The following RPS27 variants were observed in gnomAD, a reference collection of about 807,000 sequenced individuals.
The protein encoded by RPS27 is small ribosomal subunit protein eS27.
RPS27 carries 1 observed loss-of-function variant against 11.8 expected under a neutral mutation model. The observed-to-expected ratio is 0.08, with a 90% CI of 0.03 to 0.40. The LOEUF is 0.40. Among genes scored for constraint, RPS27 ranks in the 10% least tolerant of loss-of-function variants. The probability of loss-of-function intolerance (pLI) is 0.98; values close to 1 mark genes in which losing one functional copy is unlikely to be tolerated. For synonymous variants in RPS27, 42 were observed against 33.8 expected, an observed-to-expected ratio of 1.24 and a Z score of -0.84; for missense variants, 44 against 100.1, an observed-to-expected ratio of 0.44 and a Z score of 2.39.
intron 3 of RPS27, 96 bp downstream of exon 3, chr1:153,991,772 C>T (rs1024410730): frequency 1.3e-6 from 1 of 794,564 alleles, no homozygotes; most frequent in Non-Finnish European, 2.1e-6. Context: ...TGACAGGGAT[C>T]ATCTATAATG....
intron 2 of RPS27, 61 bp from the exon 3 acceptor site, chr1:153,991,505 G>A: frequency 7.2e-7 from 1 of 1,389,672 alleles, no homozygotes; most frequent in Non-Finnish European, 1.0e-6. Flanking sequence ...GATGAGTTGG[G>A]CATAAGTGCA....
intron 2 of RPS27, 129 bp from the exon 3 acceptor site, chr1:153,991,437 C>T: frequency 7.3e-7 from 1 of 1,371,036 alleles, no homozygotes. Flanking sequence ...CGTGATCTCT[C>T]ATCACATTTC....
At chr1:153,991,287 T>C in intron 2 of RPS27, 64 bp downstream of exon 2, 3 of 1,558,092 alleles carry the variant, frequency 1.9e-6, no homozygotes, top group Non-Finnish European at 2.6e-6. Context: ...AATGTTGTAG[T>C]GTTAGCTGTC....
chr1:153,990,967 C>A, intron 1 of RPS27, 148 bp from the exon 2 acceptor site: 4 of 1,216,368 alleles, frequency 3.3e-6, no homozygotes, highest in Middle Eastern at 2.3e-4. Flanking sequence ...TAGACGGGAG[C>A]GGAGAGGAGA....
intron 2 of RPS27, 96 bp downstream of exon 2, chr1:153,991,319 G>A (rs1328323652): frequency 6.5e-7 from 1 of 1,534,170 alleles, no homozygotes; most frequent in African/African-American, 1.4e-5. Context: ...AAGCTGTGCA[G>A]CAGCTTCAGT....
At chr1:153,991,797 A>G in intron 3 of RPS27, 121 bp downstream of exon 3, 1 of 712,492 alleles carries the variant, frequency 1.4e-6, no homozygotes, top group Non-Finnish European at 2.4e-6. Context: ...TTTTTAGACA[A>G]GAAGTGTTGG....
intron 1 of RPS27, 120 bp downstream of exon 1, chr1:153,990,922 C>T (rs570465738): frequency 4.2e-6 from 6 of 1,442,816 alleles, no homozygotes; most frequent in Admixed American, 3.4e-5. Flanking sequence ...AGGACATTAA[C>T]TCCAGGGACC....
chr1:153,991,831 T>C, intron 3 of RPS27, 155 bp downstream of exon 3: 1 of 665,204 alleles, frequency 1.5e-6, no homozygotes, highest in Non-Finnish European at 2.6e-6. Context: ...AACTAGATAC[T>C]ACCAAAAGCT....
In RPS27 at chr1:153,990,771, C is replaced by T. The variant is rs1050593008; in HGVS notation, c.-26C>T. 6.8e-6 allele frequency: 11 copies of T among 1,614,048 alleles called. No homozygotes were observed. The highest frequency in any genetic ancestry group is 1.6e-4 in the Middle Eastern group (1 of 6,084). Reference sequence around the variant, plus strand: ...GATTTCCGCTTTCGCTCCTTTCCGGCGGTGACGACCTACGCACACGAGAAC... The same window carrying T: ...GATTTCCGCTTTCGCTCCTTTCCGGTGGTGACGACCTACGCACACGAGAAC... On this transcript the variant is annotated 5_prime_UTR_variant, in exon 1 of 4. Coordinates refer to ENST00000651669, the MANE Select transcript of RPS27 (RefSeq NM_001030.6).
At chr1:153,990,961 C>T (rs1419695519) in intron 1 of RPS27, 154 bp from the exon 2 acceptor site, 1 of 1,251,816 alleles carries the variant, frequency 8.0e-7, no homozygotes, top group Non-Finnish European at 1.1e-6. Context: ...CCCGCATAGA[C>T]GGGAGCGGAG....
At chr1:153,991,702 G>A (rs1450292270) in intron 3 of RPS27, 26 bp downstream of exon 3, 2 of 1,424,956 alleles carry the variant, frequency 1.4e-6, no homozygotes, top group Admixed American at 1.8e-5. Flanking sequence ...ATGTGATTTG[G>A]GGCTTTGAGT....
chr1:153,991,535 AG>A (rs998131135), intron 2 of RPS27, 30 bp from the exon 3 acceptor site: 1 of 1,542,736 alleles, frequency 6.5e-7, no homozygotes. Flanking sequence ...GGTGTAATAG[AG>A]GAAAAAAATG....
chr1:153,991,064 A>G, intron 1 of RPS27, 51 bp from the exon 2 acceptor site: 1 of 1,419,928 alleles, frequency 7.0e-7, no homozygotes, highest in Non-Finnish European at 9.6e-7. Flanking sequence ...ATTTTCGACC[A>G]TCCCATTTTC....
chr1:153,992,050 A>G lies in RPS27; in HGVS notation c.227-15A>G. 2.5e-6 allele frequency: 4 copies of G among 1,613,264 alleles called. No individual in the cohort carries two copies. Among genetic ancestry groups the G allele is most frequent in the Non-Finnish European group, 2.5e-6 (3 of 1,179,424 alleles). On this transcript the variant is annotated splice_polypyrimidine_tract_variant and intron_variant, in intron 3 of 3. Transcript: ENST00000651669. ...TGTACTGATGACAGCTAATCTCTGA[A>G]TCTTTTTCCTCCAGGATGTTCCTTC...
intron 3 of RPS27, 133 bp downstream of exon 3, chr1:153,991,809 T>C: frequency 1.4e-6 from 1 of 691,044 alleles, no homozygotes; most frequent in South Asian, 1.8e-5. Context: ...AAGTGTTGGA[T>C]TTGGTTGTTT....
intron 1 of RPS27, 101 bp downstream of exon 1, chr1:153,990,903 G>A: frequency 1.3e-6 from 2 of 1,496,990 alleles, no homozygotes; most frequent in Non-Finnish European, 1.9e-6. Context: ...TTTACCCTCT[G>A]CACTTCTTAG....
chr1:153,991,403 C>T, intron 2 of RPS27, 163 bp from the exon 3 acceptor site: 8 of 1,458,352 alleles, frequency 5.5e-6, no homozygotes, highest in South Asian at 2.6e-5. Flanking sequence ...AGTTTTGCAT[C>T]TTAGGAGGAG....
chr1:153,991,322 G>C (rs1649387547), intron 2 of RPS27, 99 bp downstream of exon 2: 5 of 1,530,778 alleles, frequency 3.3e-6, no homozygotes, highest in East Asian at 2.4e-5. Flanking sequence ...CTGTGCAGCA[G>C]CTTCAGTTTC....
chr1:153,991,191 C>A lies in RPS27; in HGVS notation c.83C>A (p.Pro28His). 2 of 1,599,002 alleles carry A rather than the reference C, an allele frequency of 1.3e-6. No homozygotes were observed. The highest frequency in any genetic ancestry group is 1.7e-6 in the Non-Finnish European group (2 of 1,170,502). The change falls in exon 2 of 4, where the codon CCC becomes CAC. Residue 28 changes from proline to histidine, a missense_variant. Physicochemically the swap from Pro to His is moderately conservative, Grantham distance 77. Coordinates refer to ENST00000651669, the MANE Select transcript of RPS27 (RefSeq NM_001030.6). ...KHKKKRLVQS[P>H]NSYFMDVKCP... is the part of the protein sequence containing the mutation. ...AAGAAGAAACGCCTGGTGCAGAGCC[C>A]CAATTCCTACTTCATGGATGTGAAA... is the stretch of plus-strand genomic sequence containing the variant.
Sources: allele counts gnomAD v4.1 joint callset, GRCh38; gene constraint gnomAD v4.1.1; transcripts MANE v1.5; gene names NCBI Gene and HGNC (gene_info 2026-07-23, HGNC 2026-07-21).